DCC: variants seen among roughly 807,000 people sequenced by gnomAD.
The protein encoded by DCC is netrin receptor DCC.
A neutral mutation model predicts 172.5 loss-of-function variants in DCC; 58 were observed. That is an observed-to-expected ratio of 0.34 (90% CI 0.27 to 0.42). The LOEUF (loss-of-function observed/expected upper bound fraction) is 0.42, where lower values mean the gene tolerates loss of function less well. DCC is among the 10% of genes least tolerant of loss of function. DCC has a pLI of 1.00. For synonymous variants in DCC, 709 were observed against 644.5 expected (o/e 1.10, Z -1.52); for missense variants, 1,740 against 1,791.0 (o/e 0.97, Z 0.51).
chr18:53,508,403 G>A (rs545711080), intron 27 of DCC, among the ~76,000 whole-genome samples: 1 of 151,016 alleles, frequency 6.6e-6, no homozygotes, highest in East Asian at 2.0e-4. Flanking sequence ...ATGTTGTCCA[G>A]GCTAGTCTCA....
chr18:52,645,927 A>G (rs2035009539), intron 1 of DCC, among the ~76,000 whole-genome samples: 1 of 152,222 alleles, frequency 6.6e-6, no homozygotes. Flanking sequence ...AAGCATTTGC[A>G]TTTGGAGGTT....
intron 2 of DCC, among the ~76,000 whole-genome samples, chr18:52,818,418 T>TA (rs55812629): frequency 0.11 from 10,699 of 97,080 alleles, 804 homozygotes; most frequent in African/African-American, 0.24. Context: ...TCTCAAAAAG[T>TA]AAAAAAAAAA....
Position 53,241,331 on chromosome 18 carries a change from C to T in DCC, c.1911+25734C>T, listed in dbSNP as rs1222195203. 2.0e-5 allele frequency among the ~76,000 whole-genome samples: 3 copies of T among 152,138 alleles called. No individual in the cohort carries two copies. In the East Asian group the frequency reaches 5.8e-4, roughly 29 times the overall value. On this transcript the variant is annotated intron_variant, in intron 12 of 28. Transcript: ENST00000442544. Reference sequence around the variant, plus strand: ...AAAGTGACAGTCAAGCCTTTAATCACTGAACTGCAATTGTACAAGGAAGAG... The same window carrying T: ...AAAGTGACAGTCAAGCCTTTAATCATTGAACTGCAATTGTACAAGGAAGAG...
At chr18:52,819,451 G>A (rs191709608) in intron 2 of DCC, among the ~76,000 whole-genome samples, 90 of 152,166 alleles carry the variant, frequency 5.9e-4, no homozygotes, top group Non-Finnish European at 5.9e-5. Flanking sequence ...TATATATCTG[G>A]TTATTTTAAG....
chr18:52,487,268 G>A (rs1041282679), intron 1 of DCC, among the ~76,000 whole-genome samples: 5 of 152,030 alleles, frequency 3.3e-5, no homozygotes, highest in Non-Finnish European at 7.4e-5. Context: ...CCTCATTATC[G>A]TAAAACACAG....
intron 1 of DCC, among the ~76,000 whole-genome samples, chr18:52,449,893 T>C (rs1341908877): frequency 1.3e-5 from 2 of 152,230 alleles, no homozygotes; most frequent in Non-Finnish European, 2.9e-5. Flanking sequence ...GCCATGATTG[T>C]GAGGCCTCCC....
intron 12 of DCC, among the ~76,000 whole-genome samples, chr18:53,243,333 A>G (rs1008320836): frequency 2.0e-5 from 3 of 152,168 alleles, no homozygotes; most frequent in African/African-American, 4.8e-5. Flanking sequence ...ATTGAGAAAC[A>G]TATCAATCCA....
chr18:52,624,836 G>A (rs1055800993), intron 1 of DCC, among the ~76,000 whole-genome samples: 7 of 152,114 alleles, frequency 4.6e-5, no homozygotes, highest in African/African-American at 1.7e-4. Context: ...GCGCAACTAG[G>A]CAGACAAAGA....
intron 15 of DCC, among the ~76,000 whole-genome samples, chr18:53,365,227 C>A (rs1341872238): frequency 1.3e-5 from 2 of 150,696 alleles, no homozygotes; most frequent in African/African-American, 4.9e-5. Context: ...TTTCCAGCCT[C>A]ATCCATGTCC....
At chr18:52,625,161 A>G (rs2034550771) in intron 1 of DCC, among the ~76,000 whole-genome samples, 1 of 152,180 alleles carries the variant, frequency 6.6e-6, no homozygotes, top group Non-Finnish European at 1.5e-5. Context: ...ACATGATAAT[A>G]ATCTTATGCA....
intron 3 of DCC, among the ~76,000 whole-genome samples, chr18:52,917,749 G>A (rs954213443): frequency 2.6e-5 from 4 of 152,072 alleles, no homozygotes; most frequent in African/African-American, 9.7e-5. Flanking sequence ...CTGTCTGGGA[G>A]GATTATCTGT....
chr18:53,394,978 C>A (rs1246876606), intron 17 of DCC, among the ~76,000 whole-genome samples: 2 of 141,962 alleles, frequency 1.4e-5, no homozygotes, highest in Non-Finnish European at 3.1e-5. Context: ...TTTGTCTCCA[C>A]TAAAAAAATA....
intron 1 of DCC, among the ~76,000 whole-genome samples, chr18:52,676,469 A>T: frequency 6.6e-6 from 1 of 152,170 alleles, no homozygotes; most frequent in East Asian, 1.9e-4. Flanking sequence ...GATGTAAATG[A>T]CTTGTACCCA....
intron 1 of DCC, among the ~76,000 whole-genome samples, chr18:52,613,950 G>A (rs922685362): frequency 6.6e-6 from 1 of 152,188 alleles, no homozygotes; most frequent in Non-Finnish European, 1.5e-5. Context: ...TAGAATTCCA[G>A]TTAGGATAGA....
intron 5 of DCC, among the ~76,000 whole-genome samples, chr18:53,021,382 T>A (rs2041879588): frequency 6.6e-6 from 1 of 152,146 alleles, no homozygotes; most frequent in Non-Finnish European, 1.5e-5. Context: ...GCAGAGAGTA[T>A]CACATGTGTC....
At chr18:52,641,896 C>G (rs749099165) in intron 1 of DCC, among the ~76,000 whole-genome samples, 2 of 151,510 alleles carry the variant, frequency 1.3e-5, no homozygotes, top group Non-Finnish European at 2.9e-5. Context: ...AGTCATGATT[C>G]GAAAAAGATA....
intron 5 of DCC, among the ~76,000 whole-genome samples, chr18:52,959,596 C>A (rs1313598011): frequency 2.0e-5 from 3 of 151,728 alleles, no homozygotes; most frequent in Non-Finnish European, 2.9e-5. Flanking sequence ...CTGTCATTCC[C>A]AAACTTAAGT....
chr18:53,124,857 C>A (rs1324679357), intron 7 of DCC, among the ~76,000 whole-genome samples: 1 of 151,844 alleles, frequency 6.6e-6, no homozygotes, highest in African/African-American at 2.4e-5. Flanking sequence ...GTAGTCCCAG[C>A]TACTTTGGAG....
At chr18:52,899,582 G>T (rs910889672) in intron 2 of DCC, among the ~76,000 whole-genome samples, 1 of 151,564 alleles carries the variant, frequency 6.6e-6, no homozygotes, top group Admixed American at 6.6e-5. Flanking sequence ...CTCGAACTCC[G>T]GAACTCAGGT....
Sources: allele counts gnomAD v4.1 joint callset (sites outside exome capture counted in the v4.1 genomes callset), GRCh38; gene constraint gnomAD v4.1.1; transcripts MANE v1.5; gene names NCBI Gene and HGNC (gene_info 2026-07-23, HGNC 2026-07-21).